IRF3: variants seen among roughly 807,000 people sequenced by gnomAD.
IRF3 encodes the protein interferon regulatory factor 3.
IRF3 carries 29 observed loss-of-function variants against 43.2 expected under a neutral mutation model. That is an observed-to-expected ratio of 0.67 (90% CI 0.50 to 0.91). The LOEUF (loss-of-function observed/expected upper bound fraction) is 0.91, where lower values mean the gene tolerates loss of function less well. Ranked by LOEUF, IRF3 falls within the 40% of genes least tolerant of loss-of-function variation. IRF3 has a pLI of 0.00. For missense variants in IRF3, 505 were observed against 559.1 expected (o/e 0.90, Z 0.98); for synonymous variants, 228 against 233.9 (o/e 0.97, Z 0.23).
chr19:49,659,953 A>G, intron 7 of IRF3, 120 bp from the exon 8 acceptor site: 22 of 989,654 alleles, frequency 2.2e-5, no homozygotes, highest in Non-Finnish European at 2.7e-5. Flanking sequence ...AGGATGAACC[A>G]TAGGCCTAGG....
intron 6 of IRF3, chr19:49,661,591 T>G (rs560979541): frequency 9.4e-4 from 155 of 165,234 alleles, no homozygotes; most frequent in African/African-American, 3.6e-3. Context: ...CTTTTTTTTT[T>G]GTTGTTCGAG....
chr19:49,665,005 ATCCTCCCG>A (rs2081599287), intron 1 of IRF3, 159 bp from the exon 2 acceptor site: 3 of 727,710 alleles, frequency 4.1e-6, no homozygotes, highest in Non-Finnish European at 6.5e-6. Flanking sequence ...CCATCCTCCC[ATCCTCCCG>A]AGAGGCTCTC....
Position 49,664,744 on chromosome 19 carries a change from G to C in IRF3, c.95C>G (p.Thr32Arg). The C allele has an allele frequency of 6.2e-7, 1 of 1,614,078 alleles. No homozygotes were observed. The highest frequency in any genetic ancestry group is 8.5e-7 in the Non-Finnish European group (1 of 1,179,974). The part of the protein sequence containing the change: ...EGVAWVNKSR[T>R]RFRIPWKHGL... ...GTGCTTCCAAGGGATGCGGAAGCGC[G>C]TGCGGCTCTTGTTCACCCAGGCCAC... Residue 32 changes from threonine (T) to arginine (R), a missense_variant, in exon 2 of 8, where the codon ACG (threonine) becomes AGG (arginine). Coordinates refer to ENST00000377139, the MANE Select transcript of IRF3 (RefSeq NM_001571.6).
chr19:49,663,006 G>T (rs953234013), intron 4 of IRF3, among the ~76,000 whole-genome samples, 182 bp downstream of exon 4: 1 of 152,208 alleles, frequency 6.6e-6, no homozygotes, highest in Non-Finnish European at 1.5e-5. Flanking sequence ...GGCCTTGAAT[G>T]CTGGGTGAAG....
intron 2 of IRF3, chr19:49,664,390 C>T (rs2081529813): frequency 7.6e-7 from 1 of 1,309,624 alleles, no homozygotes; most frequent in Non-Finnish European, 1.0e-6. Flanking sequence ...ACCAAGAGCC[C>T]CGGCCTCTAG....
chr19:49,663,324 G>A lies in IRF3; in HGVS notation c.337+19C>T, dbSNP rs977264656. On this transcript the variant is annotated intron_variant, in intron 3 of 7. Transcript: ENST00000377139. ...CCCTTGGGGCCCCAGCCTCCCACAC[G>A]AACCCCAAGCTGGCAGACCTGAGTT... The A allele has an allele frequency of 6.2e-6, 10 of 1,613,958 alleles. No individual in the cohort carries two copies. In the South Asian group the frequency reaches 6.6e-5, roughly 11 times the overall value.
At chr19:49,663,699 C>T in intron 2 of IRF3, 185 bp from the exon 3 acceptor site, 1 of 598,406 alleles carries the variant, frequency 1.7e-6, no homozygotes, top group South Asian at 2.1e-5. Flanking sequence ...TTTCAAAAGG[C>T]TTTTTTTCTT....
Position 49,663,460 on chromosome 19 carries a change from G to A in IRF3, c.220C>T (p.Pro74Ser). 1 of 1,614,188 alleles carries A rather than the reference G, an allele frequency of 6.2e-7. No homozygotes were observed. Among genetic ancestry groups the A allele is most frequent in the Non-Finnish European group, 8.5e-7 (1 of 1,180,034 alleles). The stretch of plus-strand genomic sequence containing the variant: ...GAGCGGAAATTCCTCTTCCAGGTTG[G>A]CAGGTCTGGCTTATCCCTCCCGGGA... ...YVPGRDKPDL[P>S]TWKRNFRSAL... is the part of the protein sequence containing the mutation. Residue 74 changes from proline to serine, a missense_variant, in exon 3 of 8, where the codon CCA becomes TCA. By Grantham distance (74) the Pro-to-Ser change is moderately conservative (BLOSUM62 -1). Transcript: ENST00000377139.
intron 1 of IRF3, chr19:49,665,164 G>A (rs943309883): frequency 3.2e-6 from 1 of 316,298 alleles, no homozygotes; most frequent in African/African-American, 2.2e-5. Flanking sequence ...CCACTTTCAG[G>A]GTAGCATCCT....
In IRF3 at chr19:49,665,670, A is replaced by C. The variant is rs2304205; in HGVS notation, c.-48T>G. 279,935 of 1,031,916 alleles carry C rather than the reference A, an allele frequency of 0.27. 42,351 individuals are homozygous for C. The highest frequency in any genetic ancestry group is 0.61 in the African/African-American group (37,545 of 61,834). The allele number at this position is 1,031,916 out of a possible 1,614,324, so 63.9% of individuals were successfully genotyped here. A position where few individuals can be genotyped will look rare whatever the true frequency, so the allele number is the denominator to read the frequency against. On this transcript the variant is annotated 5_prime_UTR_variant, in exon 1 of 8. Coordinates refer to ENST00000377139, the MANE Select transcript of IRF3 (RefSeq NM_001571.6). ...CGGGGCGTGCGGGCAGCTGGAACCC[A>C]CCCCTGTCTTGGAGCTCCGGGTAGC...
rs969185420 is a variant in IRF3 at position 49,660,946 on chromosome 19, C to G, written c.983-118G>C. On this transcript the variant is annotated intron_variant, in intron 6 of 7. Transcript: ENST00000377139. The stretch of plus-strand genomic sequence containing the variant: ...GACCTAAGGCCCTCTGCTGCCTCGA[C>G]CAGGGGACTGCTTGTTTGGGGAAAG... The G allele has an allele frequency of 2.5e-6, 3 of 1,182,156 alleles. No homozygotes were observed. In the African/African-American group the frequency reaches 4.7e-5, roughly 18 times the overall value. 73.2% of individuals were successfully genotyped at this position (1,182,156 alleles called of 1,614,324 possible).
chr19:49,665,838 T>G lies in IRF3; in HGVS notation c.-216A>C. 1 of 1,597,044 alleles carries G rather than the reference T, an allele frequency of 6.3e-7. No homozygotes were observed. The highest frequency in any genetic ancestry group is 8.6e-7 in the Non-Finnish European group (1 of 1,166,020). On this transcript the variant is annotated 5_prime_UTR_variant, in exon 1 of 8. Coordinates refer to ENST00000377139, the MANE Select transcript of IRF3 (RefSeq NM_001571.6). Reference sequence around the variant, plus strand: ...CCCAAAAGCCGATGGGACGGCCCGCTGGGCTGTTCCCGCCCCTATGCCCTT... The same window carrying G: ...CCCAAAAGCCGATGGGACGGCCCGCGGGGCTGTTCCCGCCCCTATGCCCTT...
chr19:49,663,599 A>G, intron 2 of IRF3, 85 bp from the exon 3 acceptor site: 1 of 1,321,634 alleles, frequency 7.6e-7, no homozygotes, highest in Non-Finnish European at 1.1e-6. Context: ...CCGAGTCCTA[A>G]CACCACCCTC....
Position 49,662,582 on chromosome 19 carries a change from C to T in IRF3, c.444G>A (p.Val148=). The change falls in exon 5 of 8, where the codon GTG becomes GTA. Residue 148 remains valine, a synonymous_variant. Coordinates refer to ENST00000377139, the MANE Select transcript of IRF3 (RefSeq NM_001571.6). Reference sequence around the variant, plus strand: ...GTCCCGGATCTGGGAGTGGGGCCAACACCATGTTACCCAGTAACTCATCCA... The same window carrying T: ...GTCCCGGATCTGGGAGTGGGGCCAATACCATGTTACCCAGTAACTCATCCA... The part of the protein sequence containing the change: ...DILDELLGNM[V]LAPLPDPGPP... 1 of 1,527,860 alleles carries T rather than the reference C, an allele frequency of 6.5e-7. No individual in the cohort carries two copies. The highest frequency in any genetic ancestry group is 8.8e-7 in the Non-Finnish European group (1 of 1,141,724). The allele number at this position is 1,527,860 out of a possible 1,614,324, so 94.6% of individuals were successfully genotyped here.
rs755933046 is a variant in IRF3 at position 49,664,801 on chromosome 19, A to G, written c.38T>C (p.Val13Ala). ...TPKPRILPWLVSQLDLGQLEG... is the reference protein window; with the variant it reads ...TPKPRILPWLASQLDLGQLEG... The stretch of plus-strand genomic sequence containing the variant: ...CAGTTGCCCCAGGTCCAGCTGCGAC[A>G]CCAGCCAGGGCAGGATCCGTGGCTT... Residue 13 changes from valine (V) to alanine (A), a missense_variant, in exon 2 of 8, where the codon GTG becomes GCG. Transcript: ENST00000377139. The G allele has an allele frequency of 4.3e-6, 7 of 1,613,700 alleles. No homozygotes were observed. Among genetic ancestry groups the G allele is most frequent in the Non-Finnish European group, 1.7e-6 (2 of 1,179,940 alleles).
chr19:49,660,076 T>C (rs1277045953), intron 7 of IRF3, among the ~76,000 whole-genome samples: 1 of 143,718 alleles, frequency 7.0e-6, no homozygotes, highest in African/African-American at 2.6e-5. Flanking sequence ...GGAGTTGTAG[T>C]TTTACACACA....
Position 49,660,027 on chromosome 19 carries a change from A to ACACACC in IRF3, c.1099-195_1099-194insGGTGTG, listed in dbSNP as rs57168131. 2.1e-3 allele frequency among the ~76,000 whole-genome samples: 159 copies of ACACACC among 74,746 alleles called. 2 individuals carry two copies. The highest frequency in any genetic ancestry group is 2.4e-3 in the African/African-American group (24 of 10,156). 49.0% of individuals were successfully genotyped at this position (74,746 alleles called of 152,430 possible). Reference sequence around the variant, plus strand: ...CACACACACACACACACACACACACACCCCCTGCTGTAACTGAACCATAGG... The same window carrying ACACACC: ...CACACACACACACACACACACACACACACACCCCCCCTGCTGTAACTGAACCATAGG... On this transcript the variant is annotated intron_variant, in intron 7 of 7. Transcript: ENST00000377139.
intron 2 of IRF3, chr19:49,664,309 G>T: frequency 1.8e-6 from 1 of 569,132 alleles, no homozygotes; most frequent in Non-Finnish European, 3.0e-6. Flanking sequence ...CGGTAGTTAG[G>T]AACCTCAGAT....
chr19:49,665,133 C>T, intron 1 of IRF3: 1 of 383,016 alleles, frequency 2.6e-6, no homozygotes, highest in South Asian at 4.1e-5. Flanking sequence ...CCCTCCCCCA[C>T]ATCATCGAAA....
Sources: gnomAD v4.1 joint callset for allele counts (sites outside exome capture counted in the v4.1 genomes callset) on GRCh38, gnomAD v4.1.1 for gene constraint, MANE v1.5 for transcripts, NCBI Gene and HGNC (gene_info 2026-07-23, HGNC 2026-07-21) for gene names.